Variants in CPA6 observed in about 807,000 individuals in gnomAD.
The protein encoded by CPA6 is carboxypeptidase B.
CPA6 carries 58 observed loss-of-function variants against 63.3 expected under a neutral mutation model. The observed-to-expected ratio is 0.92, with a 90% confidence interval of 0.74 to 1.14. The LOEUF (loss-of-function observed/expected upper bound fraction) is 1.14, where lower values mean the gene tolerates loss of function less well. CPA6 is among the 50% of genes most tolerant of loss of function. The pLI is 0.00. For synonymous variants in CPA6, 185 were observed against 179.0 expected, an observed-to-expected ratio of 1.03 and a Z score of -0.27; for missense variants, 565 against 526.6, an observed-to-expected ratio of 1.07 and a Z score of -0.71.
chr8:67,593,784 C>A (rs7841784), intron 2 of CPA6, among the ~76,000 whole-genome samples: 2 of 146,348 alleles, frequency 1.4e-5, no homozygotes, highest in Admixed American at 7.0e-5. Context: ...TGTGTCTGCA[C>A]GTGAGATGGG....
chr8:67,608,055 C>T (rs896359503), intron 2 of CPA6, among the ~76,000 whole-genome samples: 40 of 152,082 alleles, frequency 2.6e-4, no homozygotes, highest in African/African-American at 9.4e-4. Context: ...TTACTGTTAT[C>T]CAGGCTGCAG....
intron 2 of CPA6, among the ~76,000 whole-genome samples, chr8:67,577,716 A>C (rs912815391): frequency 6.6e-6 from 1 of 152,210 alleles, no homozygotes; most frequent in Non-Finnish European, 1.5e-5. Flanking sequence ...ATTCCGTAAG[A>C]GAGTAACTCA....
At chr8:67,581,002 C>T (rs760169083) in intron 2 of CPA6, among the ~76,000 whole-genome samples, 13 of 152,014 alleles carry the variant, frequency 8.6e-5, no homozygotes, top group Non-Finnish European at 1.5e-4. Context: ...GTAGCACTCC[C>T]GAGTGGGATG....
intron 8 of CPA6, among the ~76,000 whole-genome samples, chr8:67,434,546 T>C (rs941140986): frequency 6.6e-6 from 1 of 152,164 alleles, no homozygotes; most frequent in African/African-American, 2.4e-5. Flanking sequence ...GCTAGAACAA[T>C]AGTACAGCAA....
chr8:67,745,865 G>T, intron 1 of CPA6, 149 bp downstream of exon 1: 1 of 528,978 alleles, frequency 1.9e-6, no homozygotes, highest in East Asian at 3.0e-5. Context: ...AGAGCAGAGA[G>T]CTGTGAGTAC....
At chr8:67,638,606 T>C (rs1815522319) in intron 1 of CPA6, among the ~76,000 whole-genome samples, 1 of 151,400 alleles carries the variant, frequency 6.6e-6, no homozygotes, top group Admixed American at 6.6e-5. Context: ...TCTGGAGCAA[T>C]TGCTTTTGGC....
chr8:67,540,102 C>CT (rs891328321), intron 2 of CPA6, among the ~76,000 whole-genome samples: 6 of 151,816 alleles, frequency 4.0e-5, no homozygotes, highest in Admixed American at 6.5e-5. Context: ...GAATTTTCAG[C>CT]TTTTTTTGTG....
chr8:67,653,134 G>T (rs1356119683), intron 1 of CPA6, among the ~76,000 whole-genome samples: 1 of 151,550 alleles, frequency 6.6e-6, no homozygotes, highest in Non-Finnish European at 1.5e-5. Flanking sequence ...TGCTGTTTTG[G>T]TTACTGTAGC....
chr8:67,452,093 T>G (rs1382914370), intron 8 of CPA6, among the ~76,000 whole-genome samples: 1 of 152,218 alleles, frequency 6.6e-6, no homozygotes, highest in Non-Finnish European at 1.5e-5. Context: ...TGTAATTGTG[T>G]GCTGATGAGC....
intron 1 of CPA6, among the ~76,000 whole-genome samples, chr8:67,640,974 G>A (rs916247532): frequency 5.9e-5 from 9 of 151,704 alleles, no homozygotes; most frequent in Non-Finnish European, 8.8e-5. Flanking sequence ...GGGCCTGGGA[G>A]CACGTCCTGC....
rs550628019 is a variant in CPA6 at position 67,587,050 on chromosome 8, G to C, written c.192+37126C>G. On this transcript the variant is annotated intron_variant, in intron 2 of 10. Coordinates refer to ENST00000297770, the MANE Select transcript of CPA6 (RefSeq NM_020361.5). The stretch of plus-strand genomic sequence containing the variant: ...AAAGGCCACTGCAGCTTCGCAGGCA[G>C]CAAATACTAGGAGGATAATGGGTAT... 2.0e-5 allele frequency among the ~76,000 whole-genome samples: 3 copies of C among 152,342 alleles called. No homozygotes were observed. In the East Asian group the frequency reaches 5.8e-4, roughly 29 times the overall value.
chr8:67,564,208 C>T (rs1360432938), intron 2 of CPA6, among the ~76,000 whole-genome samples: 3 of 152,160 alleles, frequency 2.0e-5, no homozygotes, highest in Non-Finnish European at 4.4e-5. Flanking sequence ...ACAGAAAGCA[C>T]TAGGCAACTG....
chr8:67,672,517 C>G (rs1183137022), intron 1 of CPA6, among the ~76,000 whole-genome samples: 1 of 152,138 alleles, frequency 6.6e-6, no homozygotes, highest in African/African-American at 2.4e-5. Flanking sequence ...AATCCATCAT[C>G]GAGTCCTTTT....
intron 1 of CPA6, among the ~76,000 whole-genome samples, chr8:67,652,711 T>C (rs1463214131): frequency 6.6e-6 from 1 of 151,760 alleles, no homozygotes; most frequent in East Asian, 1.9e-4. Context: ...CTGATGGTAG[T>C]TTCTTTTCCT....
intron 1 of CPA6, among the ~76,000 whole-genome samples, chr8:67,661,799 TCTA>T (rs1222530789): frequency 1.3e-5 from 2 of 152,284 alleles, no homozygotes; most frequent in East Asian, 1.9e-4. Context: ...CAACCACTAT[TCTA>T]CTGTCTGTCT....
intron 1 of CPA6, among the ~76,000 whole-genome samples, chr8:67,696,246 G>T (rs1004180083): frequency 6.6e-6 from 1 of 152,180 alleles, no homozygotes; most frequent in African/African-American, 2.4e-5. Context: ...TCATAATGTA[G>T]ATAATTTGAA....
intron 2 of CPA6, among the ~76,000 whole-genome samples, chr8:67,576,635 A>G (rs1178098370): frequency 6.6e-6 from 1 of 152,226 alleles, no homozygotes; most frequent in Non-Finnish European, 1.5e-5. Flanking sequence ...TCTTTTTCTT[A>G]CAATTATACA....
At chr8:67,593,570 T>A (rs1026002017) in intron 2 of CPA6, among the ~76,000 whole-genome samples, 1 of 152,228 alleles carries the variant, frequency 6.6e-6, no homozygotes, top group Non-Finnish European at 1.5e-5. Context: ...TGGGTGCTCC[T>A]GTATTGGGTG....
intron 1 of CPA6, among the ~76,000 whole-genome samples, chr8:67,644,804 T>C (rs1298071972): frequency 1.3e-5 from 2 of 152,152 alleles, no homozygotes; most frequent in African/African-American, 4.8e-5. Context: ...CAGCTGTCAT[T>C]AAGCTGTGGT....
Sources: allele counts gnomAD v4.1 joint callset (sites outside exome capture counted in the v4.1 genomes callset), GRCh38; gene constraint gnomAD v4.1.1; transcripts MANE v1.5; gene names NCBI Gene and HGNC (gene_info 2026-07-23, HGNC 2026-07-21).